Variants in NDST3 observed in about 807,000 individuals in gnomAD.
NDST3 encodes N-deacetylase and N-sulfotransferase 3.
NDST3 carries 58 observed loss-of-function variants against 96.1 expected under a neutral mutation model. That is an observed-to-expected ratio of 0.60 (90% CI 0.49 to 0.75). The LOEUF is 0.75. Ranked by LOEUF, NDST3 falls within the 30% of genes least tolerant of loss-of-function variation. NDST3 has a pLI of 0.00. For missense variants in NDST3, 788 were observed against 1,034.2 expected (o/e 0.76, Z 3.27); for synonymous variants, 333 against 359.7 (o/e 0.93, Z 0.84).
intron 3 of NDST3, among the ~76,000 whole-genome samples, chr4:118,106,638 T>C (rs189582421): frequency 2.6e-5 from 4 of 152,128 alleles, no homozygotes; most frequent in Admixed American, 2.6e-4. Context: ...AAATATCTAA[T>C]TGGTTAGCCA....
chr4:118,172,757 T>C (rs1246997517), intron 6 of NDST3, among the ~76,000 whole-genome samples: 3 of 149,676 alleles, frequency 2.0e-5, no homozygotes, highest in Admixed American at 6.6e-5. Context: ...TGATTATTCC[T>C]ATCTAATTAT....
intron 3 of NDST3, among the ~76,000 whole-genome samples, chr4:118,110,176 A>G (rs776179135): frequency 2.0e-5 from 3 of 152,164 alleles, no homozygotes; most frequent in Non-Finnish European, 4.4e-5. Context: ...TTAGCTTTTT[A>G]TGTTTCCCCA....
At chr4:118,120,291 A>G (rs1334292166) in intron 4 of NDST3, among the ~76,000 whole-genome samples, 1 of 152,076 alleles carries the variant, frequency 6.6e-6, no homozygotes, top group East Asian at 1.9e-4. Flanking sequence ...ACAAGGATGC[A>G]GGGCCACAGG....
At chr4:118,036,709 A>G (rs1724171754) in intron 1 of NDST3, among the ~76,000 whole-genome samples, 1 of 152,222 alleles carries the variant, frequency 6.6e-6, no homozygotes, top group Admixed American at 6.5e-5. Flanking sequence ...AGATACCTGG[A>G]TATCACAGTG....
intron 2 of NDST3, among the ~76,000 whole-genome samples, chr4:118,098,514 C>T (rs1265714580): frequency 6.6e-6 from 1 of 151,980 alleles, no homozygotes; most frequent in East Asian, 1.9e-4. Context: ...TCCCCACTAA[C>T]CTGTCATTAT....
At chr4:118,200,635 G>A (rs757941311) in intron 6 of NDST3, among the ~76,000 whole-genome samples, 22 of 151,978 alleles carry the variant, frequency 1.4e-4, no homozygotes, top group Non-Finnish European at 1.9e-4. Context: ...AAAGATAAGC[G>A]GATTTAATTT....
chr4:118,135,239 G>T (rs1205936327), intron 4 of NDST3, among the ~76,000 whole-genome samples: 1 of 152,152 alleles, frequency 6.6e-6, no homozygotes, highest in African/African-American at 2.4e-5. Flanking sequence ...CATATTTGGA[G>T]GAATCAGAAG....
At chr4:118,185,833 T>C (rs1348217744) in intron 6 of NDST3, among the ~76,000 whole-genome samples, 3 of 152,220 alleles carry the variant, frequency 2.0e-5, no homozygotes, top group African/African-American at 7.2e-5. Context: ...ATTTACATTA[T>C]AGTTCACTAT....
chr4:118,078,244 G>GT (rs1374418881), intron 2 of NDST3, among the ~76,000 whole-genome samples: 1 of 152,020 alleles, frequency 6.6e-6, no homozygotes, highest in Non-Finnish European at 1.5e-5. Context: ...TCCCAATGTG[G>GT]TTTTTTAGGT....
At chr4:118,230,214 T>TAG (rs1560733197) in intron 8 of NDST3, among the ~76,000 whole-genome samples, 3 of 152,168 alleles carry the variant, frequency 2.0e-5, no homozygotes, top group African/African-American at 7.2e-5. Flanking sequence ...GCTTCATAGT[T>TAG]ATTCTAAGTC....
chr4:118,200,562 T>C (rs531257066), intron 6 of NDST3, among the ~76,000 whole-genome samples: 5 of 152,334 alleles, frequency 3.3e-5, no homozygotes, highest in African/African-American at 1.2e-4. Context: ...GCCTACCTTA[T>C]ATAAACTTTT....
chr4:118,137,992 A>C (rs1378039431), intron 4 of NDST3, 62 bp from the exon 5 acceptor site: 6 of 1,346,722 alleles, frequency 4.5e-6, no homozygotes, highest in Non-Finnish European at 4.0e-6. Context: ...TGAAAATCTT[A>C]CTGTAAAAAT....
intron 3 of NDST3, among the ~76,000 whole-genome samples, chr4:118,108,149 C>T (rs1730356497): frequency 6.6e-6 from 1 of 152,116 alleles, no homozygotes; most frequent in Admixed American, 6.6e-5. Flanking sequence ...GGGAACCTCC[C>T]CCATGATTCA....
At chr4:118,203,161 G>T (rs1738206296) in intron 6 of NDST3, among the ~76,000 whole-genome samples, 1 of 152,162 alleles carries the variant, frequency 6.6e-6, no homozygotes, top group Non-Finnish European at 1.5e-5. Context: ...CAGGAATAAA[G>T]CTTACTTGAT....
chr4:118,184,584 T>A (rs2125955870), intron 6 of NDST3, among the ~76,000 whole-genome samples: 1 of 135,806 alleles, frequency 7.4e-6, no homozygotes, highest in East Asian at 2.2e-4. Context: ...TGTCTCCCTT[T>A]GTCTCTCTCT....
intron 10 of NDST3, among the ~76,000 whole-genome samples, chr4:118,237,734 T>C (rs974922390): frequency 2.6e-5 from 4 of 152,162 alleles, no homozygotes; most frequent in South Asian, 4.1e-4. Flanking sequence ...CAGTAGGCCA[T>C]AGATTGCTGA....
At chr4:118,188,643 T>C (rs1016455189) in intron 6 of NDST3, among the ~76,000 whole-genome samples, 5 of 152,196 alleles carry the variant, frequency 3.3e-5, no homozygotes, top group Admixed American at 6.5e-5. Context: ...TTCAATTAAT[T>C]TTTGTCTTGC....
intron 6 of NDST3, among the ~76,000 whole-genome samples, chr4:118,214,579 A>G (rs1356053115): frequency 1.3e-5 from 2 of 152,194 alleles, no homozygotes; most frequent in East Asian, 1.9e-4. Context: ...CACAGTATGT[A>G]TCTACTGGAC....
At chr4:118,118,678 T>A (rs868118145) in intron 4 of NDST3, among the ~76,000 whole-genome samples, 3 of 152,120 alleles carry the variant, frequency 2.0e-5, no homozygotes, top group African/African-American at 7.2e-5. Context: ...AGAGGTTGAA[T>A]GGAAAAAATT....
Sources: gnomAD v4.1 joint callset for allele counts (sites outside exome capture counted in the v4.1 genomes callset) on GRCh38, gnomAD v4.1.1 for gene constraint, MANE v1.5 for transcripts, NCBI Gene and HGNC (gene_info 2026-07-23, HGNC 2026-07-21) for gene names.